Variants in MAP4K3 observed in about 807,000 individuals in gnomAD.
The protein encoded by MAP4K3 is MAPK/ERK kinase kinase kinase 3.
In MAP4K3, 94 loss-of-function variants were observed where a neutral mutation model predicts 143.5. That is an observed-to-expected ratio of 0.65 (90% confidence interval 0.55 to 0.78). The LOEUF is 0.78. Ranked by LOEUF, MAP4K3 falls within the 30% of genes least tolerant of loss-of-function variation. The pLI is 0.00. For synonymous variants in MAP4K3, 416 were observed against 347.2 expected (o/e 1.20, Z -2.20); for missense variants, 1,077 against 1,068.1 (o/e 1.01, Z -0.12).
intron 32 of MAP4K3, among the ~76,000 whole-genome samples, chr2:39,253,979 T>C (rs1487915493): frequency 1.3e-5 from 2 of 152,222 alleles, no homozygotes; most frequent in Non-Finnish European, 2.9e-5. Context: ...CAAAGAATTA[T>C]ATACATGTCA....
chr2:39,284,010 T>C (rs1681655436), intron 21 of MAP4K3, among the ~76,000 whole-genome samples: 1 of 152,242 alleles, frequency 6.6e-6, no homozygotes, highest in African/African-American at 2.4e-5. Flanking sequence ...ACATACTTTG[T>C]AGATATATTT....
intron 6 of MAP4K3, among the ~76,000 whole-genome samples, chr2:39,336,471 C>CAA (rs55780656): frequency 0.014 from 549 of 38,710 alleles, 103 homozygotes; most frequent in Admixed American, 0.058. Flanking sequence ...GACTCCATCT[C>CAA]AAAAAAAAAA....
chr2:39,348,613 T>G (rs767285042), intron 3 of MAP4K3, among the ~76,000 whole-genome samples: 1 of 152,184 alleles, frequency 6.6e-6, no homozygotes, highest in South Asian at 2.1e-4. Flanking sequence ...TATAAAATCT[T>G]TGTCCCTAGG....
intron 12 of MAP4K3, among the ~76,000 whole-genome samples, chr2:39,318,488 A>G (rs570446832): frequency 6.6e-6 from 1 of 152,310 alleles, no homozygotes; most frequent in East Asian, 1.9e-4. Context: ...TTTAATTTCT[A>G]AACATAAATA....
chr2:39,267,306 G>A, intron 26 of MAP4K3, 59 bp from the exon 27 acceptor site: 2 of 1,309,116 alleles, frequency 1.5e-6, no homozygotes, highest in African/African-American at 1.4e-5. Flanking sequence ...ATATGAAAAA[G>A]CTACTGTTAT....
At chr2:39,357,861 A>C (rs1022683565) in intron 2 of MAP4K3, among the ~76,000 whole-genome samples, 38 of 152,330 alleles carry the variant, frequency 2.5e-4, no homozygotes, top group African/African-American at 8.4e-4. Context: ...ACTTTTAGTC[A>C]ATCTAGTGAA....
rs573124233 is a variant in MAP4K3, at chr2:39,254,528, G to A, written c.2471-8C>T. The stretch of plus-strand genomic sequence containing the variant: ...CACTGTCTTGTAGGCACACTAGCAG[G>A]CAAGAACAGCTCAATTACTGTTAAT... On this transcript the variant is annotated splice_polypyrimidine_tract_variant and splice_region_variant and intron_variant, in intron 31 of 33. Coordinates refer to ENST00000263881, the MANE Select transcript of MAP4K3 (RefSeq NM_003618.4). The A allele has an allele frequency of 2.5e-6, 4 of 1,610,902 alleles. No individual in the cohort carries two copies. The highest frequency in any genetic ancestry group is 2.2e-5 in the East Asian group (1 of 44,848).
At chr2:39,290,858 C>A (rs1160434192) in intron 18 of MAP4K3, among the ~76,000 whole-genome samples, 1 of 152,234 alleles carries the variant, frequency 6.6e-6, no homozygotes, top group Non-Finnish European at 1.5e-5. Flanking sequence ...ATCACGAGGT[C>A]AGGAAATCAA....
At chr2:39,424,568 G>A (rs749977385) in intron 1 of MAP4K3, among the ~76,000 whole-genome samples, 23 of 152,028 alleles carry the variant, frequency 1.5e-4, no homozygotes, top group Non-Finnish European at 2.6e-4. Context: ...AGTGGCTCAA[G>A]CCTGTAATCC....
chr2:39,319,992 G>C (rs1214070929), intron 12 of MAP4K3, among the ~76,000 whole-genome samples: 1 of 151,920 alleles, frequency 6.6e-6, no homozygotes, highest in Non-Finnish European at 1.5e-5. Context: ...TTAAACTTTG[G>C]TCTTTCTGGC....
chr2:39,331,739 G>T (rs1000176950), intron 8 of MAP4K3, among the ~76,000 whole-genome samples, 178 bp downstream of exon 8: 1 of 152,010 alleles, frequency 6.6e-6, no homozygotes, highest in Admixed American at 6.6e-5. Flanking sequence ...AAAATAACAT[G>T]GTAGGATATT....
chr2:39,347,250 T>A (rs912795740), intron 3 of MAP4K3, among the ~76,000 whole-genome samples: 1 of 152,200 alleles, frequency 6.6e-6, no homozygotes, highest in African/African-American at 2.4e-5. Context: ...TCAATAGATA[T>A]AATTCATATA....
At chr2:39,338,059 A>G (rs547278225) in intron 4 of MAP4K3, among the ~76,000 whole-genome samples, 8 of 152,092 alleles carry the variant, frequency 5.3e-5, no homozygotes, top group South Asian at 2.1e-4. Flanking sequence ...CACTGTGCCC[A>G]GCCAATTTTT....
chr2:39,279,959 T>TA (rs1681446165), intron 23 of MAP4K3, among the ~76,000 whole-genome samples: 1 of 151,448 alleles, frequency 6.6e-6, no homozygotes, highest in African/African-American at 2.4e-5. Flanking sequence ...TCCCTATAAA[T>TA]AAAAAATAAA....
At chr2:39,306,119 T>C (rs1311699215) in intron 15 of MAP4K3, among the ~76,000 whole-genome samples, 2 of 152,210 alleles carry the variant, frequency 1.3e-5, no homozygotes, top group South Asian at 2.1e-4. Context: ...TGAGCCACCG[T>C]GCCCGGCTGA....
intron 2 of MAP4K3, among the ~76,000 whole-genome samples, chr2:39,359,262 T>G (rs1665697985): frequency 6.6e-6 from 1 of 151,832 alleles, no homozygotes; most frequent in Non-Finnish European, 1.5e-5. Flanking sequence ...GTTTAATGAC[T>G]ACCAACAGGG....
intron 3 of MAP4K3, among the ~76,000 whole-genome samples, chr2:39,345,998 G>C (rs1035248118): frequency 6.6e-6 from 1 of 150,542 alleles, no homozygotes. Context: ...GCAATTCATA[G>C]GTGGTTCACA....
intron 1 of MAP4K3, among the ~76,000 whole-genome samples, chr2:39,404,805 G>A (rs1004054628): frequency 1.2e-4 from 18 of 151,954 alleles, no homozygotes; most frequent in African/African-American, 4.4e-4. Flanking sequence ...ACTTTTAGCA[G>A]AGACGGGGTT....
intron 18 of MAP4K3, among the ~76,000 whole-genome samples, chr2:39,290,596 TA>T (rs1377390418): frequency 8.2e-5 from 12 of 146,926 alleles, no homozygotes; most frequent in East Asian, 2.0e-4. Context: ...ATGTGGAAGC[TA>T]AAAAAAAAAG....
Sources: gnomAD v4.1 joint callset for allele counts (sites outside exome capture counted in the v4.1 genomes callset) on GRCh38, gnomAD v4.1.1 for gene constraint, MANE v1.5 for transcripts, NCBI Gene and HGNC (gene_info 2026-07-23, HGNC 2026-07-21) for gene names.